Variants in TASP1 observed in about 807,000 individuals in gnomAD.
TASP1 encodes taspase 1, also known as threonine aspartase 1.
Under a neutral mutation model 56.6 loss-of-function variants are expected in TASP1, and 16 were observed. The ratio of observed to expected loss-of-function variants is 0.28; its 90% CI spans 0.19 to 0.43. TASP1 has a LOEUF of 0.43. Among genes scored for constraint, TASP1 ranks in the 20% least tolerant of loss-of-function variants. TASP1 has a pLI of 1.00. For missense variants in TASP1, 393 were observed against 511.6 expected (o/e 0.77, Z 2.24); for synonymous variants, 179 against 184.2 (o/e 0.97, Z 0.23).
At chr20:13,399,566 A>G (rs1465863701) in intron 13 of TASP1, among the ~76,000 whole-genome samples, 1 of 152,166 alleles carries the variant, frequency 6.6e-6, no homozygotes, top group African/African-American at 2.4e-5. Flanking sequence ...ATCTCTATCC[A>G]ACCCAACAGC....
At chr20:13,328,643 C>A in the TASP1 span, among the ~76,000 whole-genome samples, 2 of 152,272 alleles carry the variant, frequency 1.3e-5, no homozygotes, top group African/African-American at 2.4e-5. Flanking sequence ...GGAATGAGAT[C>A]GTGCCTTTGC....
At chr20:13,577,756 T>C (rs1425141033) in intron 6 of TASP1, among the ~76,000 whole-genome samples, 3 of 152,218 alleles carry the variant, frequency 2.0e-5, no homozygotes, top group Non-Finnish European at 2.9e-5. Context: ...AGAAATACTT[T>C]TCTACTGTTT....
At chr20:13,558,256 A>G (rs2046229852) in intron 8 of TASP1, among the ~76,000 whole-genome samples, 1 of 152,234 alleles carries the variant, frequency 6.6e-6, no homozygotes, top group African/African-American at 2.4e-5. Context: ...GACACCCATC[A>G]TGAGCTGTAT....
chr20:13,131,844 GTCGT>G, the TASP1 span, among the ~76,000 whole-genome samples: 1 of 152,088 alleles, frequency 6.6e-6, no homozygotes, highest in South Asian at 2.1e-4. Context: ...AGAACTTTCT[GTCGT>G]CTTTTCAGCT....
chr20:13,524,512 T>TA (rs1299388762), intron 10 of TASP1, among the ~76,000 whole-genome samples: 1 of 152,134 alleles, frequency 6.6e-6, no homozygotes, highest in Non-Finnish European at 1.5e-5. Flanking sequence ...ACCGGGCACT[T>TA]ACCCTGTACA....
chr20:13,298,932 C>T, the TASP1 span: 6 of 1,611,584 alleles, frequency 3.7e-6, no homozygotes, highest in Non-Finnish European at 5.1e-6. Flanking sequence ...TTCTCTTTGG[C>T]CTTTTCCAGA....
intron 8 of TASP1, among the ~76,000 whole-genome samples, chr20:13,536,684 C>A (rs904769054): frequency 6.6e-6 from 1 of 151,992 alleles, no homozygotes; most frequent in African/African-American, 2.4e-5. Flanking sequence ...TTTTCCCTAG[C>A]CCAAGTAAGG....
At chr20:13,151,698 C>T in the TASP1 span, among the ~76,000 whole-genome samples, 1 of 152,146 alleles carries the variant, frequency 6.6e-6, no homozygotes, top group Non-Finnish European at 1.5e-5. Context: ...TTCATTTAGG[C>T]CTGATGAGCA....
chr20:13,463,333 A>C (rs1377382472), intron 11 of TASP1, among the ~76,000 whole-genome samples: 1 of 152,126 alleles, frequency 6.6e-6, no homozygotes, highest in Non-Finnish European at 1.5e-5. Flanking sequence ...ATTAAGTTGG[A>C]CCCTTGCTTT....
chr20:13,418,604 G>A (rs1228843671), intron 12 of TASP1, among the ~76,000 whole-genome samples: 1 of 152,154 alleles, frequency 6.6e-6, no homozygotes, highest in Non-Finnish European at 1.5e-5. Context: ...ACTAGTAGGT[G>A]GAAATTTGAA....
At chr20:13,111,983 C>A in the TASP1 span, among the ~76,000 whole-genome samples, 1 of 152,206 alleles carries the variant, frequency 6.6e-6, no homozygotes, top group Non-Finnish European at 1.5e-5. Context: ...ACAAGGGACC[C>A]AGGTGTGGAC....
the TASP1 span, among the ~76,000 whole-genome samples, chr20:13,147,300 G>A: frequency 6.6e-6 from 1 of 152,116 alleles, no homozygotes; most frequent in Non-Finnish European, 1.5e-5. Flanking sequence ...CACTCCAAAT[G>A]TTCTTTTCTC....
intron 4 of TASP1, among the ~76,000 whole-genome samples, chr20:13,591,789 C>A (rs1416373149): frequency 1.3e-5 from 2 of 151,956 alleles, no homozygotes; most frequent in East Asian, 3.9e-4. Context: ...AACTATAGGG[C>A]ACAAGTAGCA....
At chr20:13,512,299 T>C (rs1162208454) in intron 10 of TASP1, among the ~76,000 whole-genome samples, 1 of 152,082 alleles carries the variant, frequency 6.6e-6, no homozygotes, top group Non-Finnish European at 1.5e-5. Flanking sequence ...ATCACCATTC[T>C]AACTGGTGTG....
intron 10 of TASP1, among the ~76,000 whole-genome samples, chr20:13,507,221 G>C (rs1243159861): frequency 6.6e-6 from 1 of 151,904 alleles, no homozygotes; most frequent in Non-Finnish European, 1.5e-5. Flanking sequence ...GAAGATAAAA[G>C]ACCTGTACAC....
At chr20:13,330,776 TG>T in the TASP1 span, among the ~76,000 whole-genome samples, 400 of 152,340 alleles carry the variant, frequency 2.6e-3, 1 homozygote, top group African/African-American at 9.3e-3. Flanking sequence ...TTATTTCATC[TG>T]GATTGTAGAA....
the TASP1 span, among the ~76,000 whole-genome samples, chr20:13,374,594 C>T: frequency 1.0e-3 from 159 of 152,202 alleles, 3 homozygotes; most frequent in East Asian, 0.021. Context: ...GTGATCTGCC[C>T]GCCTCAGCCT....
chr20:13,466,186 T>G (rs1193085776), intron 11 of TASP1, among the ~76,000 whole-genome samples: 1 of 151,984 alleles, frequency 6.6e-6, no homozygotes, highest in African/African-American at 2.4e-5. Context: ...AAGTCAAAAT[T>G]AAAAGTTTAA....
chr20:13,240,168 C>T, the TASP1 span, among the ~76,000 whole-genome samples: 13 of 152,168 alleles, frequency 8.5e-5, no homozygotes, highest in Non-Finnish European at 1.6e-4. Flanking sequence ...ACTTTCATAT[C>T]GCGTGGCTGT....
Sources: gnomAD v4.1 joint callset for allele counts (sites outside exome capture counted in the v4.1 genomes callset) on GRCh38, gnomAD v4.1.1 for gene constraint, MANE v1.5 for transcripts, NCBI Gene and HGNC (gene_info 2026-07-23, HGNC 2026-07-21) for gene names.